The following PTPRD variants were observed in gnomAD, a reference collection of about 807,000 sequenced individuals.
PTPRD encodes the protein receptor-type tyrosine-protein phosphatase delta.
In PTPRD, 34 loss-of-function variants were observed where a neutral mutation model predicts 214.5. That is an observed-to-expected ratio of 0.16 (90% CI 0.12 to 0.21). The LOEUF is 0.21. Among genes scored for constraint, PTPRD ranks in the 10% least tolerant of loss-of-function variants. The pLI, the probability that PTPRD is intolerant of heterozygous loss-of-function variation, is 1.00. For missense variants in PTPRD, 2,545 were observed against 2,398.7 expected, an observed-to-expected ratio of 1.06 and a Z score of -1.27; for synonymous variants, 1,128 against 845.7, an observed-to-expected ratio of 1.33 and a Z score of -5.79.
intron 10 of PTPRD, among the ~76,000 whole-genome samples, chr9:9,035,636 T>G (rs1034649058): frequency 6.6e-6 from 1 of 152,078 alleles, no homozygotes; most frequent in African/African-American, 2.4e-5. Flanking sequence ...CAGGTAAAGT[T>G]AAGATAGACT....
intron 3 of PTPRD, among the ~76,000 whole-genome samples, chr9:10,195,551 A>C (rs145901690): frequency 1.5e-3 from 230 of 152,266 alleles, no homozygotes; most frequent in African/African-American, 5.4e-3. Flanking sequence ...ATTTACTTAA[A>C]AGGGAAATAG....
chr9:9,412,903 A>G (rs2075893218), intron 8 of PTPRD, among the ~76,000 whole-genome samples: 1 of 152,028 alleles, frequency 6.6e-6, no homozygotes, highest in Non-Finnish European at 1.5e-5. Flanking sequence ...AAACAGATGA[A>G]TAAATCTCAC....
At position 9,199,942 on chromosome 9, in the gene PTPRD, G is replaced by A. The variant is rs75277162; in HGVS notation, c.-202-16579C>T. On this transcript the variant is annotated intron_variant, in intron 9 of 45. Coordinates refer to ENST00000381196, the MANE Select transcript of PTPRD (RefSeq NM_002839.4). ...TAGCAGTGTGGTTTAGCAAGTCTTTGAAACTTAGTTTCTGATTGTAAATTG... is the reference window on the plus strand; with the variant it reads ...TAGCAGTGTGGTTTAGCAAGTCTTTAAAACTTAGTTTCTGATTGTAAATTG... Among the ~76,000 whole-genome samples the A allele has an allele frequency of 2.6e-3, 390 of 152,224 alleles. 1 individual carries two copies. The highest frequency in any genetic ancestry group is 4.5e-3 in the Non-Finnish European group (303 of 68,016).
intron 12 of PTPRD, among the ~76,000 whole-genome samples, chr9:8,704,003 T>C (rs766442800): frequency 6.6e-6 from 1 of 152,164 alleles, no homozygotes. Flanking sequence ...TTTCCTTATA[T>C]ACTCACCCTC....
intron 5 of PTPRD, among the ~76,000 whole-genome samples, chr9:9,903,550 C>T (rs1238918289): frequency 6.6e-6 from 1 of 152,074 alleles, no homozygotes; most frequent in Non-Finnish European, 1.5e-5. Flanking sequence ...TTTACATTTC[C>T]AGCATAGTAC....
chr9:10,226,740 A>T (rs1473620521), intron 3 of PTPRD, among the ~76,000 whole-genome samples: 1 of 151,976 alleles, frequency 6.6e-6, no homozygotes, highest in Non-Finnish European at 1.5e-5. Context: ...GTTTGTCAGC[A>T]TGAGATAAAA....
intron 6 of PTPRD, among the ~76,000 whole-genome samples, chr9:9,746,754 T>A (rs1209903502): frequency 6.6e-6 from 1 of 151,164 alleles, no homozygotes; most frequent in Non-Finnish European, 1.5e-5. Flanking sequence ...TGTAGGAATG[T>A]CCATCTTGGG....
intron 5 of PTPRD, among the ~76,000 whole-genome samples, chr9:9,803,228 C>A (rs1205069383): frequency 6.7e-6 from 1 of 150,170 alleles, no homozygotes; most frequent in Non-Finnish European, 1.5e-5. Context: ...TTCACCTTCA[C>A]TGAACTGGAC....
intron 2 of PTPRD, among the ~76,000 whole-genome samples, chr9:10,608,064 C>A (rs948253898): frequency 6.6e-6 from 1 of 151,832 alleles, no homozygotes; most frequent in Non-Finnish European, 1.5e-5. Flanking sequence ...CTTTAAAATG[C>A]AAGGGTTCAA....
chr9:8,569,920 C>A (rs1304814314), intron 14 of PTPRD, among the ~76,000 whole-genome samples: 1 of 152,040 alleles, frequency 6.6e-6, no homozygotes, highest in East Asian at 1.9e-4. Context: ...ATTTGGGAAA[C>A]TGAAAAATAC....
intron 7 of PTPRD, among the ~76,000 whole-genome samples, chr9:9,633,878 G>A (rs2095670331): frequency 6.6e-6 from 1 of 152,056 alleles, no homozygotes; most frequent in South Asian, 2.1e-4. Flanking sequence ...GTATATTCAT[G>A]CAGTATATCT....
At chr9:9,772,351 T>G (rs1428164982) in intron 5 of PTPRD, among the ~76,000 whole-genome samples, 1 of 152,156 alleles carries the variant, frequency 6.6e-6, no homozygotes, top group Non-Finnish European at 1.5e-5. Context: ...CTACCCAGGG[T>G]GTGGTACTTT....
intron 11 of PTPRD, among the ~76,000 whole-genome samples, chr9:8,994,872 C>T (rs2154350572): frequency 6.6e-6 from 1 of 152,146 alleles, no homozygotes; most frequent in East Asian, 1.9e-4. Flanking sequence ...AGTTGTTCTA[C>T]TTATATCCTA....
intron 11 of PTPRD, among the ~76,000 whole-genome samples, chr9:8,779,193 A>G (rs1411256885): frequency 6.6e-6 from 1 of 152,204 alleles, no homozygotes; most frequent in Non-Finnish European, 1.5e-5. Flanking sequence ...AGACAGAGAG[A>G]GCGAGCGAAT....
At chr9:8,744,857 C>G (rs1456374977) in intron 11 of PTPRD, among the ~76,000 whole-genome samples, 1 of 152,118 alleles carries the variant, frequency 6.6e-6, no homozygotes, top group Non-Finnish European at 1.5e-5. Context: ...CATGACTATT[C>G]CCACATCTCT....
At chr9:8,692,668 T>C (rs2097833082) in intron 12 of PTPRD, among the ~76,000 whole-genome samples, 1 of 152,212 alleles carries the variant, frequency 6.6e-6, no homozygotes, top group East Asian at 1.9e-4. Context: ...GTCAGGAACG[T>C]GAAATACTTT....
intron 5 of PTPRD, among the ~76,000 whole-genome samples, chr9:9,862,524 C>T (rs1447887594): frequency 6.6e-6 from 1 of 152,142 alleles, no homozygotes; most frequent in Admixed American, 6.5e-5. Context: ...TTTTCTCATC[C>T]CTGTTTTAAT....
intron 3 of PTPRD, among the ~76,000 whole-genome samples, chr9:10,312,777 C>T (rs1350508775): frequency 6.6e-6 from 1 of 151,716 alleles, no homozygotes; most frequent in Non-Finnish European, 1.5e-5. Context: ...TCCAAAGGTA[C>T]CATTTCACTG....
chr9:9,922,315 T>C (rs184204620), intron 5 of PTPRD, among the ~76,000 whole-genome samples: 24 of 152,304 alleles, frequency 1.6e-4, no homozygotes, highest in Non-Finnish European at 1.2e-4. Context: ...TATACTATTC[T>C]GTGAATAAAT....
Sources: gnomAD v4.1 joint callset for allele counts (sites outside exome capture counted in the v4.1 genomes callset) on GRCh38, gnomAD v4.1.1 for gene constraint, MANE v1.5 for transcripts, NCBI Gene and HGNC (gene_info 2026-07-23, HGNC 2026-07-21) for gene names.